The following CLASP1 variants were observed in gnomAD, a reference collection of about 807,000 sequenced individuals.
CLASP1 encodes the protein CLIP-associating protein 1.
CLASP1 carries 38 observed loss-of-function variants against 192.3 expected under a neutral mutation model. The observed-to-expected ratio is 0.20, with a 90% CI of 0.15 to 0.26. The LOEUF is 0.26. Ranked by LOEUF, CLASP1 falls within the 10% of genes least tolerant of loss-of-function variation. The pLI is 1.00. For missense variants in CLASP1, 1,433 were observed against 1,932.5 expected (o/e 0.74, Z 4.85); for synonymous variants, 691 against 712.8 (o/e 0.97, Z 0.49).
At position 121,447,327 on chromosome 2, in the gene CLASP1, G is replaced by T. The variant is rs1196037100; in HGVS notation, c.1912+10C>A. On this transcript the variant is annotated intron_variant, in intron 19 of 39. Coordinates refer to ENST00000263710, the Ensembl canonical transcript of CLASP1. ...GTGCAGGAGGGAAAGGGTGACAGGG[G>T]TGTGGTTACCTAAGGATGCGTATGA... 2 of 1,586,590 alleles carry T rather than the reference G, an allele frequency of 1.3e-6. No homozygotes were observed. Among genetic ancestry groups the T allele is most frequent in the Non-Finnish European group, 8.6e-7 (1 of 1,166,630 alleles).
chr2:121,619,388 G>A (rs2066962247), intron 1 of CLASP1, among the ~76,000 whole-genome samples: 1 of 152,110 alleles, frequency 6.6e-6, no homozygotes, highest in Non-Finnish European at 1.5e-5. Context: ...TTTCATAGTG[G>A]AGGGAAATCT....
chr2:121,478,717 A>C (rs1474109615), intron 8 of CLASP1, among the ~76,000 whole-genome samples: 26 of 27,908 alleles, frequency 9.3e-4, no homozygotes, highest in South Asian at 3.8e-3. Context: ...CACACACACA[A>C]CCACACACAC....
chr2:121,559,550 A>G (rs2058890484), intron 2 of CLASP1, among the ~76,000 whole-genome samples: 2 of 152,212 alleles, frequency 1.3e-5, no homozygotes, highest in African/African-American at 4.8e-5. Flanking sequence ...AACCTTGAAA[A>G]CATTATGATA....
At chr2:121,386,449 C>T (rs1032839501) in intron 32 of CLASP1, among the ~76,000 whole-genome samples, 1 of 152,124 alleles carries the variant, frequency 6.6e-6, no homozygotes, top group Non-Finnish European at 1.5e-5. Flanking sequence ...AACTCCCAGC[C>T]CATGTGAAGG....
chr2:121,410,409 T>A (rs1574467611), intron 24 of CLASP1, among the ~76,000 whole-genome samples: 1 of 152,078 alleles, frequency 6.6e-6, no homozygotes, highest in East Asian at 1.9e-4. Flanking sequence ...ACAGACAAGA[T>A]AATAGAATAA....
At chr2:121,535,652 T>C (rs1282900953) in intron 2 of CLASP1, among the ~76,000 whole-genome samples, 2 of 142,846 alleles carry the variant, frequency 1.4e-5, no homozygotes, top group Non-Finnish European at 1.5e-5. Context: ...TTCATTAGAA[T>C]TTTTTTTTTT....
At chr2:121,603,067 T>A (rs2063980130) in intron 2 of CLASP1, 1 of 150,964 alleles carries the variant, frequency 6.6e-6, no homozygotes, top group Admixed American at 6.6e-5. Flanking sequence ...GACAGGAGAC[T>A]TTTTTTTTAA....
At chr2:121,425,546 A>G (rs2080239128) in intron 21 of CLASP1, among the ~76,000 whole-genome samples, 1 of 152,216 alleles carries the variant, frequency 6.6e-6, no homozygotes, top group South Asian at 2.1e-4. Context: ...TCCACAGTAA[A>G]TAACTACAAA....
chr2:121,502,818 G>A (rs2093802422), intron 8 of CLASP1, among the ~76,000 whole-genome samples: 1 of 152,168 alleles, frequency 6.6e-6, no homozygotes, highest in Non-Finnish European at 1.5e-5. Context: ...TGGGGAAACA[G>A]TAGAAGAAAA....
chr2:121,471,320 A>C (rs949999402), intron 8 of CLASP1, among the ~76,000 whole-genome samples: 1 of 152,166 alleles, frequency 6.6e-6, no homozygotes, highest in Non-Finnish European at 1.5e-5. Context: ...AAAAATCAAC[A>C]TATTTATGCA....
At chr2:121,441,235 A>G (rs2083290629) in intron 19 of CLASP1, among the ~76,000 whole-genome samples, 1 of 152,216 alleles carries the variant, frequency 6.6e-6, no homozygotes, top group Non-Finnish European at 1.5e-5. Flanking sequence ...TACAGATTAT[A>G]AAATTAAAAG....
chr2:121,424,803 C>T (rs978135065), intron 22 of CLASP1, among the ~76,000 whole-genome samples: 10 of 152,148 alleles, frequency 6.6e-5, no homozygotes, highest in African/African-American at 2.2e-4. Flanking sequence ...CTACTTAGTG[C>T]TAATCAGTAA....
intron 25 of CLASP1, among the ~76,000 whole-genome samples, 166 bp downstream of exon 26, chr2:121,407,305 T>C (rs1353625011): frequency 6.6e-6 from 1 of 151,818 alleles, no homozygotes; most frequent in Non-Finnish European, 1.5e-5. Context: ...AAGGACTGTG[T>C]CTTAGTCATC....
chr2:121,606,136 G>C, exon 2 of CLASP1: 1 of 534,596 alleles, frequency 1.9e-6, no homozygotes, highest in East Asian at 2.9e-5. Flanking sequence ...GCAGAGTGAT[G>C]TTCTACTACT....
chr2:121,596,260 T>C (rs546416547), intron 2 of CLASP1, among the ~76,000 whole-genome samples: 4 of 152,338 alleles, frequency 2.6e-5, no homozygotes, highest in Admixed American at 2.0e-4. Flanking sequence ...GAGGCACCTG[T>C]CTTTTTAGAT....
intron 8 of CLASP1, among the ~76,000 whole-genome samples, chr2:121,500,393 A>AAAGG (rs1491132280): frequency 6.9e-6 from 1 of 145,678 alleles, no homozygotes; most frequent in Non-Finnish European, 1.5e-5. Context: ...AGAAAGAAAG[A>AAAGG]AAGAAAAGAA....
At chr2:121,533,900 G>A (rs917304639) in intron 2 of CLASP1, among the ~76,000 whole-genome samples, 1 of 152,206 alleles carries the variant, frequency 6.6e-6, no homozygotes, top group Non-Finnish European at 1.5e-5. Flanking sequence ...GAATAGATGA[G>A]TTCTCAAGGT....
intron 2 of CLASP1, among the ~76,000 whole-genome samples, chr2:121,583,056 C>G (rs13423207): frequency 0.25 from 37,586 of 151,878 alleles, 7,337 homozygotes; most frequent in African/African-American, 0.54. Flanking sequence ...AAAGTGCTAG[C>G]ATTACAGGCA....
intron 8 of CLASP1, among the ~76,000 whole-genome samples, chr2:121,486,298 C>A (rs2092966785): frequency 1.3e-5 from 2 of 152,086 alleles, no homozygotes; most frequent in African/African-American, 4.8e-5. Context: ...TATTTCATGG[C>A]AAAGGGGAAA....
Sources: allele counts gnomAD v4.1 joint callset (sites outside exome capture counted in the v4.1 genomes callset), GRCh38; gene constraint gnomAD v4.1.1; transcripts MANE v1.5; gene names NCBI Gene and HGNC (gene_info 2026-07-23, HGNC 2026-07-21).